CELA2B: variants seen among roughly 807,000 people sequenced by gnomAD.
CELA2B encodes chymotrypsin like elastase 2B.
In CELA2B, 27 loss-of-function variants were observed where a neutral mutation model predicts 36.5. The observed-to-expected ratio is 0.74, with a 90% confidence interval of 0.55 to 1.02. The LOEUF (loss-of-function observed/expected upper bound fraction) is 1.02. Among genes scored for constraint, CELA2B ranks in the 50% least tolerant of loss-of-function variants. CELA2B has a pLI of 0.00. For synonymous variants in CELA2B, 143 were observed against 148.5 expected, an observed-to-expected ratio of 0.96 and a Z score of 0.27; for missense variants, 340 against 347.8, an observed-to-expected ratio of 0.98 and a Z score of 0.18.
intron 2 of CELA2B, among the ~76,000 whole-genome samples, chr1:15,477,701 C>T (rs915878606): frequency 6.6e-5 from 10 of 152,318 alleles, no homozygotes; most frequent in African/African-American, 2.4e-4. Context: ...CTCAAAGACA[C>T]TAATTCAAGA....
At chr1:15,483,233 G>A (rs201996525) in intron 4 of CELA2B, 31 bp from the exon 5 acceptor site, 93 of 1,612,600 alleles carry the variant, frequency 5.8e-5, no homozygotes, top group Non-Finnish European at 7.0e-5. Flanking sequence ...AGTCAACCCT[G>A]TTCTCATGCT....
chr1:15,487,314 G>A lies in CELA2B; in HGVS notation c.669G>A (p.Gln223=). Residue 223 remains glutamine, a synonymous_variant, in exon 7 of 8, where the codon CAG becomes CAA. Transcript: ENST00000375910. ...ACTCCGGTGGGCCGCTGAACTGTCA[G>A]GCATCTGACGGCCGGTGGGAGGTGC... is the stretch of plus-strand genomic sequence containing the variant. ...NGDSGGPLNC[Q]ASDGRWEVHG... is the part of the protein sequence containing the mutation. The A allele has an allele frequency of 6.2e-7, 1 of 1,614,202 alleles. No homozygotes were observed. Among genetic ancestry groups the A allele is most frequent in the Non-Finnish European group, 8.5e-7 (1 of 1,180,038 alleles).
At chr1:15,481,739 G>A (rs1446127736) in intron 3 of CELA2B, 1 of 469,592 alleles carries the variant, frequency 2.1e-6, no homozygotes, top group African/African-American at 2.0e-5. Context: ...ACTCACCGGA[G>A]TTTCTGCCGG....
chr1:15,481,717 A>G (rs1708743942), intron 3 of CELA2B: 1 of 470,032 alleles, frequency 2.1e-6, no homozygotes. Context: ...ACCTCTGCTC[A>G]TCACAGCTGG....
At chr1:15,483,153 G>A in intron 4 of CELA2B, 111 bp from the exon 5 acceptor site, 3 of 1,526,422 alleles carry the variant, frequency 2.0e-6, no homozygotes, top group Non-Finnish European at 2.7e-6. Context: ...GCCGGTCAGA[G>A]CAACCTGGGG....
At chr1:15,485,855 T>A in intron 5 of CELA2B, 46 bp from the exon 6 acceptor site, 1 of 1,608,096 alleles carries the variant, frequency 6.2e-7, no homozygotes, top group Middle Eastern at 1.8e-4. Flanking sequence ...TTCCTTTTTC[T>A]CAGGAGTCCC....
intron 6 of CELA2B, 34 bp from the exon 7 acceptor site, chr1:15,487,251 C>T: frequency 6.2e-7 from 1 of 1,601,680 alleles, no homozygotes; most frequent in East Asian, 2.2e-5. Context: ...CCCTTCCTCC[C>T]ACTTCAACTC....
At chr1:15,491,137 G>A (rs563601650) in intron 7 of CELA2B, 158 bp from the exon 8 acceptor site, 65 of 786,776 alleles carry the variant, frequency 8.3e-5, no homozygotes, top group African/African-American at 5.2e-4. Context: ...CTTTTTCTCC[G>A]AAACATCATC....
intron 5 of CELA2B, among the ~76,000 whole-genome samples, chr1:15,485,305 G>A (rs1016745037): frequency 2.6e-5 from 4 of 152,178 alleles, no homozygotes; most frequent in African/African-American, 9.7e-5. Context: ...TGTGTCATTG[G>A]GGGCCATTAT....
In CELA2B at chr1:15,478,245, GTTTT is replaced by G. The variant is rs1708697111; in HGVS notation, c.129+1702_129+1705del. Among the ~76,000 whole-genome samples, 7 of 150,310 alleles carry G rather than the reference GTTTT, an allele frequency of 4.7e-5. 1 individual carries two copies. The South Asian group carries it at 1.0e-3, about 22-fold the overall frequency. On this transcript the variant is annotated intron_variant, in intron 2 of 7. Coordinates refer to ENST00000375910, the MANE Select transcript of CELA2B (RefSeq NM_015849.3). ...GGATATATAGTTTGTTTGTTTGTTT[GTTTT>G]TGTTTTTTGGTTAGACAGAGTTTTG...
Position 15,483,537 on chromosome 1 carries a change from T to C in CELA2B, c.493+137T>C, listed in dbSNP as rs1708768947. 42 of 1,390,206 alleles carry C rather than the reference T, an allele frequency of 3.0e-5. No homozygotes were observed. In the South Asian group the frequency reaches 4.8e-4, roughly 16 times the overall value. 86.1% of individuals were successfully genotyped at this position (1,390,206 alleles called of 1,614,324 possible). A position where few individuals can be genotyped will look rare whatever the true frequency, so the allele number is the denominator to read the frequency against. ...AGAGACAGGATGGCATAGGCTGATGTCTGCCTGGGTTCAAATGTCAGCTCT... is the reference window on the plus strand; with the variant it reads ...AGAGACAGGATGGCATAGGCTGATGCCTGCCTGGGTTCAAATGTCAGCTCT... On this transcript the variant is annotated intron_variant, in intron 5 of 7. Transcript: ENST00000375910.
chr1:15,477,063 A>G (rs61346942), intron 2 of CELA2B, among the ~76,000 whole-genome samples: 11,192 of 152,258 alleles, frequency 0.074, 885 homozygotes, highest in African/African-American at 0.2. Context: ...GCTGCAGTAA[A>G]GAGCTGTCCC....
chr1:15,476,687 C>A, intron 2 of CELA2B, 142 bp downstream of exon 2: 1 of 799,686 alleles, frequency 1.3e-6, no homozygotes, highest in Non-Finnish European at 2.1e-6. Context: ...ACTTCACCAA[C>A]AAGATACATT....
Position 15,477,226 on chromosome 1 carries a change from C to T in CELA2B, c.129+681C>T, listed in dbSNP as rs114696713. On this transcript the variant is annotated intron_variant, in intron 2 of 7. Transcript: ENST00000375910. ...AAGGAACCAATCAGTGCTATTCATG[C>T]AGATTCATCTTTAACTACAGGCAAA... 1.1e-3 allele frequency among the ~76,000 whole-genome samples: 165 copies of T among 152,290 alleles called. 2 individuals are homozygous for T. Among genetic ancestry groups the T allele is most frequent in the African/African-American group, 3.9e-3 (162 of 41,556 alleles).
intron 6 of CELA2B, among the ~76,000 whole-genome samples, chr1:15,486,653 T>C (rs1708808362): frequency 6.6e-6 from 1 of 152,236 alleles, no homozygotes; most frequent in Non-Finnish European, 1.5e-5. Flanking sequence ...AAGTATTCCC[T>C]GGCTTAAGGC....
intron 4 of CELA2B, 77 bp downstream of exon 4, chr1:15,482,470 A>C: frequency 1.2e-4 from 194 of 1,580,020 alleles, no homozygotes; most frequent in Middle Eastern, 1.7e-4. Context: ...CAAAGGTCTC[A>C]ACCCCACCAC....
In CELA2B at chr1:15,489,144, C is replaced by T. The variant is rs571252960; in HGVS notation, c.792+1707C>T. Among the ~76,000 whole-genome samples, 41 of 152,338 alleles carry T rather than the reference C, an allele frequency of 2.7e-4. No individual in the cohort carries two copies. In the East Asian group the frequency reaches 7.7e-3, roughly 29 times the overall value. On this transcript the variant is annotated intron_variant, in intron 7 of 7. Transcript: ENST00000375910. Reference sequence around the variant, plus strand: ...TAAGACCGTTTTCCAGCCCCAGCTGCTGTGGGAGTCACCGTGCAGCTGGTC... The same window carrying T: ...TAAGACCGTTTTCCAGCCCCAGCTGTTGTGGGAGTCACCGTGCAGCTGGTC...
intron 2 of CELA2B, among the ~76,000 whole-genome samples, chr1:15,477,894 G>A (rs1489364082): frequency 6.6e-6 from 1 of 152,180 alleles, no homozygotes; most frequent in African/African-American, 2.4e-5. Flanking sequence ...TCTAATTTAA[G>A]TAGAAGGAGC....
intron 7 of CELA2B, among the ~76,000 whole-genome samples, chr1:15,490,551 T>C (rs970509167): frequency 6.6e-6 from 1 of 152,182 alleles, no homozygotes; most frequent in African/African-American, 2.4e-5. Flanking sequence ...TTTACAGCAC[T>C]GGATCATGAA....
Sources: allele counts gnomAD v4.1 joint callset (sites outside exome capture counted in the v4.1 genomes callset), GRCh38; gene constraint gnomAD v4.1.1; transcripts MANE v1.5; gene names NCBI Gene and HGNC (gene_info 2026-07-23, HGNC 2026-07-21).